The following AGFG1 variants were observed in gnomAD, a reference collection of about 807,000 sequenced individuals.
AGFG1 encodes ArfGAP with FG repeats 1.
In AGFG1, 10 loss-of-function variants were observed where a neutral mutation model predicts 60.6. That is an observed-to-expected ratio of 0.16 (90% confidence interval 0.10 to 0.28). The LOEUF (loss-of-function observed/expected upper bound fraction) is 0.28. Among genes scored for constraint, AGFG1 ranks in the 10% least tolerant of loss-of-function variants. The pLI is 1.00. For synonymous variants in AGFG1, 247 were observed against 242.9 expected, an observed-to-expected ratio of 1.02 and a Z score of -0.16; for missense variants, 537 against 676.5, an observed-to-expected ratio of 0.79 and a Z score of 2.29.
In AGFG1 at chr2:227,553,790, T is replaced by A. The variant is rs200528878; in HGVS notation, c.1624T>A (p.Phe542Ile). ...VAAAGVSSNP[F>I]MTGAPTGQFP... Reference sequence around the variant, plus strand: ...AGCTGCTGGAGTATCTAGTAATCCTTTTATGGTAAGCAAAATTTAAAATTA... The same window carrying A: ...AGCTGCTGGAGTATCTAGTAATCCTATTATGGTAAGCAAAATTTAAAATTA... Residue 542 changes from phenylalanine to isoleucine, a missense_variant, in exon 12 of 13, where the codon TTT becomes ATT. This residue lies in a region of AGFG1 where 28 missense variants were observed against 51.5 expected (regional missense o/e 0.54). Coordinates refer to ENST00000310078, the MANE Select transcript of AGFG1 (RefSeq NM_004504.5). 103 of 1,610,256 alleles carry A rather than the reference T, an allele frequency of 6.4e-5. No individual in the cohort carries two copies. The highest frequency in any genetic ancestry group is 1.4e-5 in the Non-Finnish European group (16 of 1,177,724).
At chr2:227,541,024 C>T (rs548864866) in intron 10 of AGFG1, among the ~76,000 whole-genome samples, 1 of 152,242 alleles carries the variant, frequency 6.6e-6, no homozygotes, top group Admixed American at 6.5e-5. Flanking sequence ...ATATCCTTCG[C>T]CCACTTTTTG....
intron 2 of AGFG1, among the ~76,000 whole-genome samples, chr2:227,492,818 A>C (rs1039282588): frequency 3.3e-5 from 5 of 152,224 alleles, no homozygotes; most frequent in Admixed American, 3.3e-4. Flanking sequence ...AAAAGGTAGG[A>C]GGCTTTTAAT....
In AGFG1 at chr2:227,523,868, A is replaced by T; in HGVS notation, c.483A>T (p.Lys161Asn). 1 of 1,613,810 alleles carries T rather than the reference A, an allele frequency of 6.2e-7. No individual in the cohort carries two copies. The highest frequency in any genetic ancestry group is 8.5e-7 in the Non-Finnish European group (1 of 1,179,936). Residue 161 changes from lysine to asparagine, a missense_variant, in exon 4 of 13, where the codon AAA becomes AAT. Lys to Asn is a moderately conservative substitution (Grantham distance 94). Coordinates refer to ENST00000310078, the MANE Select transcript of AGFG1 (RefSeq NM_004504.5). ...TSSTPEVKPL[K>N]SLLGDSAPTL... ...GCACACCTGAGGTCAAACCACTGAA[A>T]TCTCTTTTAGGGGATTCTGCACCAA... is the stretch of plus-strand genomic sequence containing the variant.
intron 2 of AGFG1, among the ~76,000 whole-genome samples, chr2:227,519,122 C>T (rs1691747451): frequency 6.6e-6 from 1 of 152,182 alleles, no homozygotes; most frequent in Non-Finnish European, 1.5e-5. Flanking sequence ...GCTGAGATTG[C>T]ACCACTGCAC....
At chr2:227,512,633 T>C (rs954246249) in intron 2 of AGFG1, among the ~76,000 whole-genome samples, 1 of 152,220 alleles carries the variant, frequency 6.6e-6, no homozygotes, top group Non-Finnish European at 1.5e-5. Flanking sequence ...AGGTCCACGG[T>C]ACCTGTTTAG....
Position 227,472,470 on chromosome 2 carries a change from C to G in AGFG1, c.49C>G (p.Leu17Val). The change falls in exon 1 of 13, where the codon CTG becomes GTG. Residue 17 changes from leucine (L) to valine (V), a missense_variant. Leu to Val is a conservative substitution (Grantham distance 32). Transcript: ENST00000310078. ...RKQEEKHLKM[L>V]RDMTGLPHNR... ...GCAGGAGGAGAAGCACCTGAAGATG[C>G]TGCGGGACATGACCGGCCTCCCGCA... The G allele has an allele frequency of 6.4e-7, 1 of 1,571,820 alleles. No homozygotes were observed.
At chr2:227,547,673 A>G (rs1182205091) in intron 10 of AGFG1, among the ~76,000 whole-genome samples, 2 of 152,240 alleles carry the variant, frequency 1.3e-5, no homozygotes, top group African/African-American at 4.8e-5. Context: ...CAGATGGCCA[A>G]TAAAAGAAAA....
At chr2:227,520,185 T>C in intron 3 of AGFG1, 122 bp downstream of exon 3, 1 of 565,586 alleles carries the variant, frequency 1.8e-6, no homozygotes, top group Non-Finnish European at 3.1e-6. Context: ...GGTATATAAT[T>C]CATTATCCCT....
At chr2:227,537,595 A>G (rs1692350647) in intron 10 of AGFG1, among the ~76,000 whole-genome samples, 2 of 151,530 alleles carry the variant, frequency 1.3e-5, no homozygotes, top group Admixed American at 1.3e-4. Context: ...TTATTTTTTG[A>G]TTCATACTGT....
intron 10 of AGFG1, among the ~76,000 whole-genome samples, chr2:227,542,956 A>G (rs1456154944): frequency 6.6e-6 from 1 of 152,122 alleles, no homozygotes; most frequent in Non-Finnish European, 1.5e-5. Context: ...AGGTGTTTAT[A>G]GTATTCTCTG....
intron 10 of AGFG1, among the ~76,000 whole-genome samples, chr2:227,546,436 T>C (rs1692649511): frequency 1.3e-5 from 2 of 152,224 alleles, no homozygotes; most frequent in Admixed American, 1.3e-4. Context: ...CCCCTTGCAC[T>C]TCCCGGGTGA....
In AGFG1 at chr2:227,558,265, T is replaced by C. The variant is rs1435501357; in HGVS notation, c.*3770T>C. The C allele has an allele frequency of 6.6e-6, 1 of 152,240 alleles. No individual in the cohort carries two copies. Among genetic ancestry groups the C allele is most frequent in the Non-Finnish European group, 1.5e-5 (1 of 68,038 alleles). 9.4% of individuals were successfully genotyped at this position (152,240 alleles called of 1,614,324 possible). A position where few individuals can be genotyped will look rare whatever the true frequency, so the allele number is the denominator to read the frequency against. ...TGGATTAAATGCTATCACATTTATA[T>C]ATGAATGCATTCTTTCTTAATATTT... On this transcript the variant is annotated 3_prime_UTR_variant, in exon 13 of 13. Transcript: ENST00000310078.
rs758660925 is a variant in AGFG1, at chr2:227,535,003, A to C, written c.1183A>C (p.Thr395Pro). The C allele has an allele frequency of 1.1e-5, 17 of 1,613,012 alleles. No homozygotes were observed. Among genetic ancestry groups the C allele is most frequent in the Non-Finnish European group, 1.4e-5 (16 of 1,179,482 alleles). Residue 395 changes from threonine (T) to proline (P), a missense_variant, in exon 8 of 13, where the codon ACT (threonine) becomes CCT (proline). By Grantham distance (38) the Thr-to-Pro change is conservative. Coordinates refer to ENST00000310078, the MANE Select transcript of AGFG1 (RefSeq NM_004504.5). ...SSAATSSNAY[T>P]STSNASSNVF... is the part of the protein sequence containing the mutation. ...TGCAGCCACCTCCAGTAATGCGTAT[A>C]CTTCCACAAGTAATGCTAGCAGGTA...
At chr2:227,548,209 T>C (rs189283486) in intron 10 of AGFG1, among the ~76,000 whole-genome samples, 155 of 152,310 alleles carry the variant, frequency 1.0e-3, no homozygotes, top group African/African-American at 3.5e-3. Flanking sequence ...AAGTGACAGC[T>C]GATAGGTATC....
rs1056864371 is a variant in AGFG1 at position 227,554,877 on chromosome 2, A to G, written c.*382A>G. 6.3e-6 allele frequency: 1 copy of G among 158,006 alleles called. No homozygotes were observed. Among genetic ancestry groups the G allele is most frequent in the Non-Finnish European group, 1.4e-5 (1 of 71,522 alleles). The allele number at this position is 158,006 out of a possible 1,614,324, so 9.8% of individuals were successfully genotyped here. On this transcript the variant is annotated 3_prime_UTR_variant, in exon 13 of 13. Coordinates refer to ENST00000310078, the MANE Select transcript of AGFG1 (RefSeq NM_004504.5). ...ATGTTACTGGGGAAATAGATCAGCC[A>G]CTTTTAAGGTGCTGTCATATATCTT...
At chr2:227,520,655 C>A (rs2106205570) in intron 3 of AGFG1, among the ~76,000 whole-genome samples, 1 of 152,296 alleles carries the variant, frequency 6.6e-6, no homozygotes, top group Non-Finnish European at 1.5e-5. Flanking sequence ...AGCTAGTAAG[C>A]CCCTTGCTAT....
intron 1 of AGFG1, among the ~76,000 whole-genome samples, chr2:227,484,677 G>GTTTT (rs34405103): frequency 6.9e-5 from 8 of 115,894 alleles, no homozygotes; most frequent in South Asian, 2.8e-4. Flanking sequence ...AGATCTCTTA[G>GTTTT]TTTTTTTTTT....
intron 1 of AGFG1, among the ~76,000 whole-genome samples, chr2:227,490,234 TATTTA>T (rs1690767125): frequency 6.6e-6 from 1 of 152,248 alleles, no homozygotes; most frequent in African/African-American, 2.4e-5. Flanking sequence ...TTAAATATCC[TATTTA>T]ATTAGTGTGA....
intron 10 of AGFG1, among the ~76,000 whole-genome samples, chr2:227,543,893 CTCT>C (rs1464957158): frequency 6.6e-6 from 1 of 152,038 alleles, no homozygotes; most frequent in South Asian, 2.1e-4. Context: ...TGAATTGATC[CTCT>C]TCTTGTTGAA....
Sources: gnomAD v4.1 joint callset for allele counts (sites outside exome capture counted in the v4.1 genomes callset) on GRCh38, gnomAD v4.1.1 for gene constraint, gnomAD v4.1.1 regional missense constraint, MANE v1.5 for transcripts, NCBI Gene and HGNC (gene_info 2026-07-23, HGNC 2026-07-21) for gene names.